ABCA2: variants seen among roughly 807,000 people sequenced by gnomAD.
ABCA2 encodes ATP binding cassette subfamily A member 2.
ABCA2 carries 84 observed loss-of-function variants against 262.8 expected under a neutral mutation model. The ratio of observed to expected loss-of-function variants is 0.32; its 90% CI spans 0.27 to 0.38. ABCA2 has a LOEUF of 0.38. ABCA2 is among the 10% of genes least tolerant of loss of function. The pLI is 1.00. For synonymous variants in ABCA2, 1,696 were observed against 1,502.9 expected (o/e 1.13, Z -2.97); for missense variants, 2,662 against 3,405.9 (o/e 0.78, Z 5.44).
chr9:137,019,424 C>CTTTT lies in ABCA2; in HGVS notation c.1426-122_1426-119dup. On this transcript the variant is annotated intron_variant, in intron 10 of 48. Coordinates refer to ENST00000341511, the MANE Select transcript of ABCA2 (RefSeq NM_001606.5). This position sits in a 1 kb window ranked among gnomAD's most constrained non-coding sequence, Gnocchi z 4.4. ...ATTGCCAACAACTAACCCTCCCCAC[C>CTTTT]TTTTTTTTTTTTTTTTTCCTGAGAC... 2.8e-5 allele frequency: 25 copies of CTTTT among 906,188 alleles called. No homozygotes were observed. The highest frequency in any genetic ancestry group is 6.7e-5 in the Admixed American group (2 of 29,918). 56.1% of individuals were successfully genotyped at this position (906,188 alleles called of 1,614,324 possible). A position where few individuals can be genotyped will look rare whatever the true frequency, so the allele number is the denominator to read the frequency against.
rs764048596 is a variant in ABCA2 at position 137,015,065 on chromosome 9, C to T, written c.3730G>A (p.Ala1244Thr). The T allele has an allele frequency of 6.9e-6, 11 of 1,602,490 alleles. No individual in the cohort carries two copies. The highest frequency in any genetic ancestry group is 3.4e-5 in the Admixed American group (2 of 58,032). The change falls in exon 25 of 49, where the codon GCC (alanine) becomes ACC (threonine). Residue 1244 changes from alanine (A) to threonine (T), a missense_variant. Physicochemically the swap from Ala to Thr is moderately conservative, Grantham distance 58. Transcript: ENST00000341511. Reference protein sequence around the residue: ...PGLASSPPGRAPLSSCSELQV... With the variant: ...PGLASSPPGRTPLSSCSELQV... ...AGCTCGGAGCAGCTGCTCAGCGGGGCCCGACCTGGGGGGCTGGATGCCAGC... is the reference window on the plus strand; with the variant it reads ...AGCTCGGAGCAGCTGCTCAGCGGGGTCCGACCTGGGGGGCTGGATGCCAGC...
Position 137,018,248 on chromosome 9 carries a change from G to A in ABCA2, c.1923C>T (p.Arg641=). Residue 641 remains arginine, a synonymous_variant, in exon 14 of 49, where the codon CGC becomes CGT. Coordinates refer to ENST00000341511, the MANE Select transcript of ABCA2 (RefSeq NM_001606.5). Reference sequence around the variant, plus strand: ...TATTGGGCCCAGGCCGCCAGTAGGCGCGGCGGATCTCGTTGGTTTTCTCGG... The same window carrying A: ...TATTGGGCCCAGGCCGCCAGTAGGCACGGCGGATCTCGTTGGTTTTCTCGG... ...SFTEKTNEIR[R]AYWRPGPNTG... is the part of the protein sequence containing the mutation. The A allele has an allele frequency of 6.2e-7, 1 of 1,611,474 alleles. No individual in the cohort carries two copies. The highest frequency in any genetic ancestry group is 8.5e-7 in the Non-Finnish European group (1 of 1,179,722).
At position 137,020,771 on chromosome 9, in the gene ABCA2, C is replaced by T. The variant is rs756888001; in HGVS notation, c.1188G>A (p.Pro396=). ...CTGAGCACTGGCCCTGCAGCGTGTC[C>T]GGGGTGGCCAGTGCTGCAGCAGAGG... ...GAPSAAALAT[P]DTLQGQCSAF... is the part of the protein sequence containing the mutation. Residue 396 remains proline, a synonymous_variant, in exon 9 of 49, where the codon CCG becomes CCA. Transcript: ENST00000341511. 44 of 1,596,044 alleles carry T rather than the reference C, an allele frequency of 2.8e-5. No individual in the cohort carries two copies. The highest frequency in any genetic ancestry group is 1.5e-4 in the Admixed American group (9 of 58,904).
At chr9:137,022,078 CG>C (rs1335442514) in intron 6 of ABCA2, 77 bp from the exon 7 acceptor site, 40 of 307,852 alleles carry the variant, frequency 1.3e-4, no homozygotes, top group East Asian at 2.7e-4. Flanking sequence ...CTCCGATGGA[CG>C]TGTGGGGGCG....
At chr9:137,017,439 T>C in intron 17 of ABCA2, 63 bp downstream of exon 17, 3 of 1,597,088 alleles carry the variant, frequency 1.9e-6, no homozygotes, top group Non-Finnish European at 1.7e-6. Flanking sequence ...TCTGAGAGGA[T>C]GTGGGGTGAG....
At position 137,011,055 on chromosome 9, in the gene ABCA2, C is replaced by T. The variant is rs914373789; in HGVS notation, c.5974G>A (p.Gly1992Arg). ...CCCTCAACCGCCATGGCCACCAGTC[C>T]GCGGGTGACAATGTCCCACTCGAAC... is the stretch of plus-strand genomic sequence containing the variant. ...SPFEWDIVTR[G>R]LVAMAVEGVV... The change falls in exon 39 of 49, where the codon GGA (glycine) becomes AGA (arginine). Residue 1992 changes from glycine (G) to arginine (R), a missense_variant. Physicochemically the swap from Gly to Arg is moderately radical, Grantham distance 125 (BLOSUM62 -2). Coordinates refer to ENST00000341511, the MANE Select transcript of ABCA2 (RefSeq NM_001606.5). This position sits in a 1 kb window ranked among gnomAD's most constrained non-coding sequence, Gnocchi z 8.8. The T allele has an allele frequency of 8.1e-6, 13 of 1,611,948 alleles. No homozygotes were observed. The highest frequency in any genetic ancestry group is 4.4e-5 in the South Asian group (4 of 91,038).
chr9:137,013,133 G>GT lies in ABCA2; in HGVS notation c.4735_4736insA (p.Ser1579TyrfsTer22), dbSNP rs775075377. 6.3e-7 allele frequency: 1 copy of GT among 1,598,156 alleles called. No homozygotes were observed. Among genetic ancestry groups the GT allele is most frequent in the Non-Finnish European group, 8.5e-7 (1 of 1,174,542 alleles). On this transcript the variant is annotated frameshift_variant, in exon 30 of 49. Transcript: ENST00000341511. LOFTEE classifies it high-confidence loss of function. ...GGACAGTGGCAGCCCCTGTGTGAAG[G>GT]ACTCCAGACACATGCTGTCGAAGAA... is the stretch of plus-strand genomic sequence containing the variant.
At chr9:137,016,503 G>C (rs770992525) in intron 20 of ABCA2, 32 bp from the exon 21 acceptor site, 4 of 1,612,392 alleles carry the variant, frequency 2.5e-6, no homozygotes, top group Non-Finnish European at 3.4e-6. Flanking sequence ...GCAGGGTGGG[G>C]GCGGCGCCAA....
rs754419753 is a variant in ABCA2, at chr9:137,009,865, C to T, written c.6534G>A (p.Lys2178=). Residue 2178 remains lysine, a synonymous_variant, in exon 43 of 49, where the codon AAG becomes AAA. Coordinates refer to ENST00000341511, the MANE Select transcript of ABCA2 (RefSeq NM_001606.5). ...KWALEKLELT[K]YADKPAGTYS... Reference sequence around the variant, plus strand: ...AGGTGCCAGCCGGCTTGTCTGCGTACTTGGTCAGCTCCAGCTTCTCCAGAG... The same window carrying T: ...AGGTGCCAGCCGGCTTGTCTGCGTATTTGGTCAGCTCCAGCTTCTCCAGAG... 1 of 1,612,184 alleles carries T rather than the reference C, an allele frequency of 6.2e-7. No homozygotes were observed. The highest frequency in any genetic ancestry group is 8.5e-7 in the Non-Finnish European group (1 of 1,179,586).
intron 40 of ABCA2, 27 bp downstream of exon 40, chr9:137,010,589 CCAGG>C: frequency 8.1e-7 from 1 of 1,235,730 alleles, no homozygotes; most frequent in Non-Finnish European, 1.2e-6. Context: ...CCTACCCCAC[CCAGG>C]CCCCACCCTA....
chr9:137,025,600 C>T (rs1265482229), intron 1 of ABCA2, among the ~76,000 whole-genome samples: 1 of 152,230 alleles, frequency 6.6e-6, no homozygotes, highest in Non-Finnish European at 1.5e-5. Flanking sequence ...TGCCAGCCTC[C>T]ACCCGCTCCC....
chr9:137,009,332 G>GGGCCCCCC, intron 45 of ABCA2, 38 bp downstream of exon 45: 15 of 980,410 alleles, frequency 1.5e-5, no homozygotes, highest in Non-Finnish European at 2.3e-5. Context: ...CCCCCCCCGG[G>GGGCCCCCC]CCCGCCCCAG....
Position 137,018,167 on chromosome 9 carries a change from C to G in ABCA2, c.1993+11G>C. On this transcript the variant is annotated intron_variant, in intron 14 of 48. Transcript: ENST00000341511. ...GAATCCTCCAGCCGGTCTTCCGGGC[C>G]TGCTCCTCACCCTGGATCCAGACGA... 6.2e-7 allele frequency: 1 copy of G among 1,611,608 alleles called. No individual in the cohort carries two copies. Among genetic ancestry groups the G allele is most frequent in the Non-Finnish European group, 8.5e-7 (1 of 1,179,334 alleles).
rs943836102 is a variant in ABCA2 at position 137,021,243 on chromosome 9, C to T, written c.897+149G>A. On this transcript the variant is annotated intron_variant, in intron 8 of 48. Transcript: ENST00000341511. This position sits in a 1 kb window ranked among gnomAD's most constrained non-coding sequence, Gnocchi z 6.0. ...TGGGATGGTGAGCAGGAGTGGGGCA[C>T]CAGCCATGGTGCCATTGGATACCCA... 7.8e-6 allele frequency: 10 copies of T among 1,284,034 alleles called. No individual in the cohort carries two copies. Among genetic ancestry groups the T allele is most frequent in the Non-Finnish European group, 1.0e-5 (10 of 953,252 alleles). 79.5% of individuals were successfully genotyped at this position (1,284,034 alleles called of 1,614,324 possible).
chr9:137,018,408 G>A, intron 13 of ABCA2, 57 bp from the exon 14 acceptor site: 2 of 1,286,200 alleles, frequency 1.6e-6, no homozygotes, highest in Non-Finnish European at 2.1e-6. Flanking sequence ...AAGGCGTGGT[G>A]GGGGGGAAAG....
Position 137,007,740 on chromosome 9 carries a change from A to G in ABCA2, c.*189T>C. ...GGCCGGGTCAGCCTTTGGCACAATTAGGGGCGGCAACCGCAGTGACCACAG... is the reference window on the plus strand; with the variant it reads ...GGCCGGGTCAGCCTTTGGCACAATTGGGGGCGGCAACCGCAGTGACCACAG... On this transcript the variant is annotated 3_prime_UTR_variant, in exon 49 of 49. Transcript: ENST00000341511. 1.3e-6 allele frequency: 1 copy of G among 758,650 alleles called. No homozygotes were observed. The highest frequency in any genetic ancestry group is 2.2e-6 in the Non-Finnish European group (1 of 464,222). The allele number at this position is 758,650 out of a possible 1,614,324, so 47.0% of individuals were successfully genotyped here.
Position 137,016,302 on chromosome 9 carries a change from C to T in ABCA2, c.3093G>A (p.Lys1031=). 3.7e-6 allele frequency: 6 copies of T among 1,612,736 alleles called. No individual in the cohort carries two copies. The highest frequency in any genetic ancestry group is 5.1e-6 in the Non-Finnish European group (6 of 1,179,924). Residue 1031 remains lysine (K), a synonymous_variant, in exon 21 of 49, where the codon AAG becomes AAA. Coordinates refer to ENST00000341511, the MANE Select transcript of ABCA2 (RefSeq NM_001606.5). Reference sequence around the variant, plus strand: ...CCTCCGACACTCACATGGTGGTGGTCTTGCCCGCCCCGTTGTGGCCCAAGA... The same window carrying T: ...CCTCCGACACTCACATGGTGGTGGTTTTGCCCGCCCCGTTGTGGCCCAAGA... ...VSFLGHNGAG[K]TTTMSILTGL... is the part of the protein sequence containing the mutation.
At position 137,021,747 on chromosome 9, in the gene ABCA2, T is replaced by G; in HGVS notation, c.679-137A>C. On this transcript the variant is annotated intron_variant, in intron 7 of 48. Transcript: ENST00000341511. The surrounding 1 kb of genome is among the most constrained non-coding windows in gnomAD (Gnocchi z 6.0). ...TCCCACGACATGCCTCTACCCCTCA[T>G]GCCTGCCATAGACCCCTGGGACCCT... The G allele has an allele frequency of 8.2e-7, 1 of 1,220,468 alleles. No individual in the cohort carries two copies. The highest frequency in any genetic ancestry group is 1.2e-6 in the Non-Finnish European group (1 of 866,548). The allele number at this position is 1,220,468 out of a possible 1,614,324, so 75.6% of individuals were successfully genotyped here.
chr9:137,015,105 G>C lies in ABCA2; in HGVS notation c.3698-8C>G, dbSNP rs771333324. The C allele has an allele frequency of 6.4e-6, 10 of 1,568,560 alleles. No homozygotes were observed. In the South Asian group the frequency reaches 1.2e-4, roughly 19 times the overall value. On this transcript the variant is annotated splice_region_variant and splice_polypyrimidine_tract_variant and intron_variant, in intron 24 of 48. Coordinates refer to ENST00000341511, the MANE Select transcript of ABCA2 (RefSeq NM_001606.5). ...TGGATGCCAGCCCTGGCTCTGTGGG[G>C]GACGTGGGAGCAGGAAGGAATTCAC...
Sources: allele counts gnomAD v4.1 joint callset (sites outside exome capture counted in the v4.1 genomes callset), GRCh38; gene constraint gnomAD v4.1.1; non-coding constraint Gnocchi (gnomAD v3.1); transcripts MANE v1.5; gene names NCBI Gene and HGNC (gene_info 2026-07-23, HGNC 2026-07-21).